The following WDR33 variants were observed in gnomAD, a reference collection of about 807,000 sequenced individuals.
WDR33 encodes pre-mRNA 3' end processing protein WDR33.
A neutral mutation model predicts 164.9 loss-of-function variants in WDR33; 47 were observed. The ratio of observed to expected loss-of-function variants is 0.29; its 90% CI spans 0.23 to 0.36. The LOEUF (loss-of-function observed/expected upper bound fraction) is 0.36. Ranked by LOEUF, WDR33 falls within the 10% of genes least tolerant of loss-of-function variation. The pLI, the probability that WDR33 is intolerant of heterozygous loss-of-function variation, is 1.00. For synonymous variants in WDR33, 505 were observed against 589.0 expected (o/e 0.86, Z 2.06); for missense variants, 1,137 against 1,754.1 (o/e 0.65, Z 6.28).
At chr2:127,809,974 T>C (rs1689588593) in intron 1 of WDR33, among the ~76,000 whole-genome samples, 1 of 151,920 alleles carries the variant, frequency 6.6e-6, no homozygotes, top group Non-Finnish European at 1.5e-5. Flanking sequence ...CCACAAGAGG[T>C]ACAACTAGCA....
chr2:127,800,636 CAAA>C (rs35733292), intron 1 of WDR33, among the ~76,000 whole-genome samples: 6 of 95,576 alleles, frequency 6.3e-5, no homozygotes, highest in East Asian at 2.9e-4. Flanking sequence ...GACTCCGTCT[CAAA>C]AAAAAAAAAA....
At position 127,726,822 on chromosome 2, in the gene WDR33, T is replaced by C. The variant is rs1686582238; in HGVS notation, c.725-45A>G. The C allele has an allele frequency of 1.2e-6, 2 of 1,604,990 alleles. No homozygotes were observed. The highest frequency in any genetic ancestry group is 8.5e-7 in the Non-Finnish European group (1 of 1,175,652). On this transcript the variant is annotated intron_variant, in intron 7 of 21. Coordinates refer to ENST00000322313, the MANE Select transcript of WDR33 (RefSeq NM_018383.5). This position sits in a 1 kb window ranked among gnomAD's most constrained non-coding sequence, Gnocchi z 4.8. ...ATTAAAACCTAATTAGTTACATGCA[T>C]TTAAAGCAATTTAAACCAAAGTAGA...
rs1686411394 is a variant in WDR33 at position 127,720,488 on chromosome 2, A to AATT, written c.1672-138_1672-136dup. ...CTCAAACTCTTCACGCTCCAGTGGT[A>AATT]ATTAGAGTCCATGCAACACTCAAGC... On this transcript the variant is annotated intron_variant, in intron 15 of 21. Coordinates refer to ENST00000322313, the MANE Select transcript of WDR33 (RefSeq NM_018383.5). The surrounding 1 kb of genome is among the most constrained non-coding windows in gnomAD (Gnocchi z 5.9). 9.2e-7 allele frequency: 1 copy of AATT among 1,089,606 alleles called. No individual in the cohort carries two copies. The highest frequency in any genetic ancestry group is 1.6e-5 in the African/African-American group (1 of 62,308). 67.5% of individuals were successfully genotyped at this position (1,089,606 alleles called of 1,614,324 possible).
Position 127,725,088 on chromosome 2 carries a change from A to T in WDR33, c.979T>A (p.Phe327Ile). The change falls in exon 9 of 22, where the codon TTC becomes ATC. Residue 327 changes from phenylalanine to isoleucine, a missense_variant. This residue lies in a region of WDR33 where 83 missense variants were observed against 189.2 expected (regional missense o/e 0.44). Coordinates refer to ENST00000322313, the MANE Select transcript of WDR33 (RefSeq NM_018383.5). Reference protein sequence around the residue: ...IRNLKEELQVFRGHKKEATAV... With the variant: ...IRNLKEELQVIRGHKKEATAV... ...GTGGCTTCTTTCTTATGACCTCGGA[A>T]GACTTGAAGCTCTTCTTTTAGGTTT... 6.2e-7 allele frequency: 1 copy of T among 1,613,720 alleles called. No homozygotes were observed. The highest frequency in any genetic ancestry group is 8.5e-7 in the Non-Finnish European group (1 of 1,179,944).
chr2:127,711,404 G>A (rs574998196), intron 18 of WDR33, among the ~76,000 whole-genome samples: 28 of 123,232 alleles, frequency 2.3e-4, no homozygotes, highest in African/African-American at 8.1e-4. Flanking sequence ...CAGCCTGAGC[G>A]ACAAAGCAAG....
chr2:127,737,477 A>G (rs1000395157), intron 7 of WDR33: 16 of 986,224 alleles, frequency 1.6e-5, no homozygotes, highest in Non-Finnish European at 1.9e-5. Flanking sequence ...AAAGCAGTAT[A>G]TAGTCATCAC....
chr2:127,702,467 G>C lies in WDR33; in HGVS notation c.*3856C>G, dbSNP rs554578460. The C allele has an allele frequency of 6.9e-5, 16 of 232,406 alleles. No individual in the cohort carries two copies. In the East Asian group the frequency reaches 1.7e-3, roughly 24 times the overall value. The allele number at this position is 232,406 out of a possible 1,614,324, so 14.4% of individuals were successfully genotyped here. The stretch of plus-strand genomic sequence containing the variant: ...ACGGTTATTAGAAGTTGCTTTCGAA[G>C]TAACTGTGGTCTTAGGTTCGGCTGA... On this transcript the variant is annotated 3_prime_UTR_variant, in exon 22 of 22. Transcript: ENST00000322313.
In WDR33 at chr2:127,783,816, G is replaced by A. The variant is rs536434329; in HGVS notation, c.-23-12812C>T. Among the ~76,000 whole-genome samples the A allele has an allele frequency of 6.6e-5, 10 of 151,744 alleles. No individual in the cohort carries two copies. In the East Asian group the frequency reaches 1.7e-3, roughly 27 times the overall value. On this transcript the variant is annotated intron_variant, in intron 1 of 21. Transcript: ENST00000322313. ...AGACAAGGTTTCACCATGTTGGTCA[G>A]GCTGGTCTTGAATTGCTGACCTCAA...
At position 127,713,662 on chromosome 2, in the gene WDR33, A is replaced by G. The variant is rs754345457; in HGVS notation, c.3229T>C (p.Trp1077Arg). The change falls in exon 18 of 22, where the codon TGG becomes CGG. Residue 1077 changes from tryptophan to arginine, a missense_variant. Trp to Arg is a moderately radical substitution (Grantham distance 101). Coordinates refer to ENST00000322313, the MANE Select transcript of WDR33 (RefSeq NM_018383.5). This position sits in a 1 kb window ranked among gnomAD's most constrained non-coding sequence, Gnocchi z 6.2. ...TCATCTCCGGGCCTGCGGCCTTCCC[A>G]TGCCCCCGGAGGGCCTCGGGCTGCA... Reference protein sequence around the residue: ...RGAARGPPGAWEGRRPGDERF... With the variant: ...RGAARGPPGAREGRRPGDERF... 3 of 1,614,202 alleles carry G rather than the reference A, an allele frequency of 1.9e-6. No individual in the cohort carries two copies. The highest frequency in any genetic ancestry group is 2.2e-5 in the South Asian group (2 of 91,086).
chr2:127,702,146 C>T lies in WDR33; in HGVS notation c.*4177G>A. 1 of 1,214,784 alleles carries T rather than the reference C, an allele frequency of 8.2e-7. No individual in the cohort carries two copies. Among genetic ancestry groups the T allele is most frequent in the Non-Finnish European group, 1.0e-6 (1 of 977,606 alleles). The allele number at this position is 1,214,784 out of a possible 1,614,324, so 75.3% of individuals were successfully genotyped here. A position where few individuals can be genotyped will look rare whatever the true frequency, so the allele number is the denominator to read the frequency against. On this transcript the variant is annotated 3_prime_UTR_variant, in exon 22 of 22. Coordinates refer to ENST00000322313, the MANE Select transcript of WDR33 (RefSeq NM_018383.5). ...TCGCACTGGGTCGCCTGGGCCGCGG[C>T]GCCGGCCTCGCCAAGGTGCTGCCCG... is the stretch of plus-strand genomic sequence containing the variant.
intron 1 of WDR33, among the ~76,000 whole-genome samples, chr2:127,808,148 AATG>A (rs986880617): frequency 6.6e-6 from 1 of 152,216 alleles, no homozygotes; most frequent in Non-Finnish European, 1.5e-5. Context: ...TAAAACTGAA[AATG>A]ATGTCACCAA....
chr2:127,711,774 A>ATTTTTTTTTTTTTTTTTT (rs1382438028), intron 18 of WDR33, among the ~76,000 whole-genome samples: 4 of 93,350 alleles, frequency 4.3e-5, no homozygotes, highest in Admixed American at 2.1e-4. Context: ...ATATATATAT[A>ATTTTTTTTTTTTTTTTTT]TATATATTTT....
intron 7 of WDR33, among the ~76,000 whole-genome samples, chr2:127,751,206 CAA>C (rs999048594): frequency 1.3e-5 from 2 of 151,770 alleles, no homozygotes; most frequent in Admixed American, 6.6e-5. Flanking sequence ...ACTAAAAATA[CAA>C]AAGTTAGCCA....
At chr2:127,795,561 T>C (rs1689008763) in intron 1 of WDR33, among the ~76,000 whole-genome samples, 1 of 147,472 alleles carries the variant, frequency 6.8e-6, no homozygotes, top group African/African-American at 2.5e-5. Context: ...TTAAAGAAAA[T>C]ACAGAGGAAA....
Position 127,702,311 on chromosome 2 carries a change from A to T in WDR33, c.*4012T>A. On this transcript the variant is annotated 3_prime_UTR_variant, in exon 22 of 22. Coordinates refer to ENST00000322313, the MANE Select transcript of WDR33 (RefSeq NM_018383.5). ...CCTGCCCTAACAGCCTGCGAGTCTA[A>T]TCCGGGAGCGGCTGCTGCCAGCGGA... The T allele has an allele frequency of 1.1e-6, 1 of 942,468 alleles. No homozygotes were observed. The highest frequency in any genetic ancestry group is 5.4e-5 in the South Asian group (1 of 18,508). The allele number at this position is 942,468 out of a possible 1,614,324, so 58.4% of individuals were successfully genotyped here. A position where few individuals can be genotyped will look rare whatever the true frequency, so the allele number is the denominator to read the frequency against.
At chr2:127,785,191 A>T (rs1688518283) in intron 1 of WDR33, among the ~76,000 whole-genome samples, 1 of 152,130 alleles carries the variant, frequency 6.6e-6, no homozygotes, top group South Asian at 2.1e-4. Context: ...TTAGGTTCAC[A>T]GCAAAATTGA....
At chr2:127,754,138 T>C (rs1225058894) in intron 7 of WDR33, among the ~76,000 whole-genome samples, 1 of 152,222 alleles carries the variant, frequency 6.6e-6, no homozygotes, top group Non-Finnish European at 1.5e-5. Context: ...CTCCATTCAC[T>C]ACTTCAAACA....
intron 21 of WDR33, among the ~76,000 whole-genome samples, chr2:127,707,231 A>T (rs1686039784): frequency 7.8e-6 from 1 of 127,426 alleles, no homozygotes; most frequent in Non-Finnish European, 1.9e-5. Flanking sequence ...AATATATTTA[A>T]AAAAAAAAAA....
rs1687752323 is a variant in WDR33, at chr2:127,763,968, G to GA, written c.627-810dup. On this transcript the variant is annotated intron_variant, in intron 6 of 21. Transcript: ENST00000322313. The surrounding 1 kb of genome is among the most constrained non-coding windows in gnomAD (Gnocchi z 4.5). ...ATCCAACAATTTCTGTTAAGATTCT[G>GA]AAAGTATGAACAAATGACTACAGTG... 1.0e-6 allele frequency: 1 copy of GA among 985,826 alleles called. No individual in the cohort carries two copies. The highest frequency in any genetic ancestry group is 1.2e-6 in the Non-Finnish European group (1 of 830,252). The allele number at this position is 985,826 out of a possible 1,614,324, so 61.1% of individuals were successfully genotyped here.
Sources: gnomAD v4.1 joint callset for allele counts (sites outside exome capture counted in the v4.1 genomes callset) on GRCh38, gnomAD v4.1.1 for gene constraint, gnomAD v4.1.1 regional missense constraint, Gnocchi (gnomAD v3.1) non-coding constraint, MANE v1.5 for transcripts, NCBI Gene and HGNC (gene_info 2026-07-23, HGNC 2026-07-21) for gene names.